ETAA1: variants seen among roughly 807,000 people sequenced by gnomAD.
ETAA1 encodes ETAA1 activator of ATR kinase.
In ETAA1, 49 loss-of-function variants were observed where a neutral mutation model predicts 76.8. The ratio of observed to expected loss-of-function variants is 0.64; its 90% confidence interval spans 0.51 to 0.81. ETAA1 has a LOEUF of 0.81. ETAA1 is among the 30% of genes least tolerant of loss of function. ETAA1 has a pLI of 0.00. For synonymous variants in ETAA1, 373 were observed against 372.2 expected (o/e 1.00, Z -0.03); for missense variants, 1,099 against 1,074.0 (o/e 1.02, Z -0.32).
chr2:67,398,692 A>T (rs1675968909), intron 1 of ETAA1, among the ~76,000 whole-genome samples: 1 of 152,182 alleles, frequency 6.6e-6, no homozygotes. Context: ...ATCTTTATAA[A>T]AATTTGAAAG....
Position 67,404,100 on chromosome 2 carries a change from T to C in ETAA1, c.1418T>C (p.Leu473Ser). The change falls in exon 5 of 6, where the codon TTA (leucine) becomes TCA (serine). Residue 473 changes from leucine to serine, a missense_variant. Leu to Ser is a moderately radical substitution (Grantham distance 145). This residue lies in a region of ETAA1 where 761 missense variants were observed against 731.9 expected (regional missense o/e 1.04). Transcript: ENST00000272342. ...FSPNSNKSNK[L>S]STGNKMKFEN... ...CCAAATTCAAATAAATCAAACAAAT[T>C]ATCCACTGGAAATAAAATGAAATTT... 1 of 1,591,294 alleles carries C rather than the reference T, an allele frequency of 6.3e-7. No homozygotes were observed. Among genetic ancestry groups the C allele is most frequent in the Non-Finnish European group, 8.5e-7 (1 of 1,172,224 alleles).
rs1676356512 is a variant in ETAA1 at position 67,410,960 on chromosome 2, A to G, written c.*922A>G. The stretch of plus-strand genomic sequence containing the variant: ...GCACAATAAGGACTGTTTGATAATA[A>G]TGCTCATTGTTCCTTATTTTGCTTT... On this transcript the variant is annotated 3_prime_UTR_variant, in exon 6 of 6. Transcript: ENST00000272342. The G allele has an allele frequency of 6.6e-6, 1 of 152,136 alleles. No homozygotes were observed. Among genetic ancestry groups the G allele is most frequent in the African/African-American group, 2.4e-5 (1 of 41,448 alleles). The allele number at this position is 152,136 out of a possible 1,614,324, so 9.4% of individuals were successfully genotyped here. A position where few individuals can be genotyped will look rare whatever the true frequency, so the allele number is the denominator to read the frequency against.
chr2:67,407,907 T>A (rs1405625367), intron 5 of ETAA1, among the ~76,000 whole-genome samples: 1 of 151,976 alleles, frequency 6.6e-6, no homozygotes, highest in Non-Finnish European at 1.5e-5. Context: ...TACAAATGAG[T>A]GGACTTGCCA....
chr2:67,399,429 G>A, intron 2 of ETAA1, 121 bp from the exon 3 acceptor site: 1 of 1,128,650 alleles, frequency 8.9e-7, no homozygotes, highest in Non-Finnish European at 1.3e-6. Flanking sequence ...ATAAGTATGT[G>A]ATGTAAACAC....
At chr2:67,399,850 A>G (rs1676003866) in intron 3 of ETAA1, among the ~76,000 whole-genome samples, 2 of 152,180 alleles carry the variant, frequency 1.3e-5, no homozygotes, top group Non-Finnish European at 1.5e-5. Context: ...ATCTTGTTTT[A>G]ATTTTTTAGA....
chr2:67,405,078 C>T lies in ETAA1; in HGVS notation c.2396C>T (p.Pro799Leu), dbSNP rs2103753620. ...AAGAAGAAATTGAGTACTAATCAGC[C>T]ATGCCATAAGACTGTAACAGATGAA... ...TYKKKLSTNQ[P>L]CHKTVTDEAQ... is the part of the protein sequence containing the mutation. The change falls in exon 5 of 6, where the codon CCA (proline) becomes CTA (leucine). Residue 799 changes from proline to leucine, a missense_variant. Pro to Leu is a moderately conservative substitution (Grantham distance 98, BLOSUM62 -3). Coordinates refer to ENST00000272342, the MANE Select transcript of ETAA1 (RefSeq NM_019002.4). 1 of 1,612,368 alleles carries T rather than the reference C, an allele frequency of 6.2e-7. No individual in the cohort carries two copies. The highest frequency in any genetic ancestry group is 1.1e-5 in the South Asian group (1 of 90,954).
At position 67,405,381 on chromosome 2, in the gene ETAA1, AAGT is replaced by A. The variant is rs1456711926; in HGVS notation, c.2653+51_2653+53del. ...AGTTTTCTTTGAAAAGCATCTTAAAAAGTAGTAAAATAATTATTTGTTGTTTTT... is the reference window on the plus strand; with the variant it reads ...AGTTTTCTTTGAAAAGCATCTTAAAAAGTAAAATAATTATTTGTTGTTTTT... On this transcript the variant is annotated intron_variant, in intron 5 of 5. Coordinates refer to ENST00000272342, the MANE Select transcript of ETAA1 (RefSeq NM_019002.4). 6 of 1,398,334 alleles carry A rather than the reference AAGT, an allele frequency of 4.3e-6. No homozygotes were observed. The African/African-American group carries it at 4.4e-5, about 10-fold the overall frequency. The allele number at this position is 1,398,334 out of a possible 1,614,324, so 86.6% of individuals were successfully genotyped here.
chr2:67,406,323 C>T (rs1014025814), intron 5 of ETAA1, among the ~76,000 whole-genome samples: 5 of 152,112 alleles, frequency 3.3e-5, no homozygotes, highest in African/African-American at 9.7e-5. Flanking sequence ...AACATGTGAC[C>T]CCTTCCCCAC....
At chr2:67,408,536 G>GA (rs75078879) in intron 5 of ETAA1, among the ~76,000 whole-genome samples, 59 of 146,960 alleles carry the variant, frequency 4.0e-4, no homozygotes, top group East Asian at 9.9e-4. Context: ...TTCTTTACAG[G>GA]AAAAAAAAAA....
chr2:67,408,721 A>G (rs1453571831), intron 5 of ETAA1, among the ~76,000 whole-genome samples: 1 of 152,168 alleles, frequency 6.6e-6, no homozygotes, highest in Admixed American at 6.6e-5. Context: ...CCTGATTATC[A>G]TTTGAAATTA....
At chr2:67,406,061 C>CA (rs1676210559) in intron 5 of ETAA1, among the ~76,000 whole-genome samples, 1 of 152,004 alleles carries the variant, frequency 6.6e-6, no homozygotes, top group Non-Finnish European at 1.5e-5. Flanking sequence ...ATTGGATGGG[C>CA]AAAAATGGCG....
Position 67,404,000 on chromosome 2 carries a change from G to A in ETAA1, c.1318G>A (p.Asp440Asn), listed in dbSNP as rs747864211. 23 of 1,608,152 alleles carry A rather than the reference G, an allele frequency of 1.4e-5. No homozygotes were observed. Among genetic ancestry groups the A allele is most frequent in the Non-Finnish European group, 1.8e-5 (21 of 1,177,998 alleles). ...TACAAGTCCAGATGCCAGGTTAGGA[G>A]ATTCAAAAGTATTACAAGATCTTTC... ...ANTSPDARLGDSKVLQDLSSK... is the reference protein window; with the variant it reads ...ANTSPDARLGNSKVLQDLSSK... Residue 440 changes from aspartate to asparagine, a missense_variant, in exon 5 of 6, where the codon GAT becomes AAT. By Grantham distance (23) the Asp-to-Asn change is conservative. This residue lies in a region of ETAA1 where 761 missense variants were observed against 731.9 expected (regional missense o/e 1.04). Coordinates refer to ENST00000272342, the MANE Select transcript of ETAA1 (RefSeq NM_019002.4).
chr2:67,406,640 C>T (rs1045519949), intron 5 of ETAA1, among the ~76,000 whole-genome samples: 1 of 151,954 alleles, frequency 6.6e-6, no homozygotes, highest in African/African-American at 2.4e-5. Flanking sequence ...TTTCTGATAA[C>T]CATCCCTTAC....
At position 67,405,435 on chromosome 2, in the gene ETAA1, ACTATT is replaced by A. The variant is rs561018953; in HGVS notation, c.2653+105_2653+109del. On this transcript the variant is annotated intron_variant, in intron 5 of 5. Coordinates refer to ENST00000272342, the MANE Select transcript of ETAA1 (RefSeq NM_019002.4). ...GAGTGTGAGTAATGTATAAGGTAAA[ACTATT>A]CTATGACTAGTTAATTTTAAGAATT... 6.1e-5 allele frequency: 53 copies of A among 865,308 alleles called. No homozygotes were observed. In the South Asian group the frequency reaches 7.9e-4, roughly 13 times the overall value. 53.6% of individuals were successfully genotyped at this position (865,308 alleles called of 1,614,324 possible).
intron 2 of ETAA1, 125 bp from the exon 3 acceptor site, chr2:67,399,425 A>G (rs1018939297): frequency 2.8e-5 from 32 of 1,133,602 alleles, no homozygotes; most frequent in Non-Finnish European, 3.5e-5. Context: ...CTGTATAAGT[A>G]TGTGATGTAA....
intron 1 of ETAA1, among the ~76,000 whole-genome samples, chr2:67,398,511 A>G (rs900447705): frequency 6.6e-6 from 1 of 151,256 alleles, no homozygotes; most frequent in Non-Finnish European, 1.5e-5. Flanking sequence ...AATTTTTTGT[A>G]TTTTTGGTAG....
intron 5 of ETAA1, among the ~76,000 whole-genome samples, chr2:67,407,361 C>T (rs1457672439): frequency 1.3e-5 from 2 of 151,770 alleles, no homozygotes; most frequent in African/African-American, 4.8e-5. Context: ...TTGCGGGCTG[C>T]GGGTTGGACA....
At position 67,403,633 on chromosome 2, in the gene ETAA1, T is replaced by C; in HGVS notation, c.951T>C (p.Asn317=). 1 of 1,613,350 alleles carries C rather than the reference T, an allele frequency of 6.2e-7. No individual in the cohort carries two copies. Among genetic ancestry groups the C allele is most frequent in the Non-Finnish European group, 8.5e-7 (1 of 1,179,448 alleles). ...GTAATACTACCTTTGTAAAGACAAATGCTTTGAAAGAGGAGAAAATCATTA... is the reference window on the plus strand; with the variant it reads ...GTAATACTACCTTTGTAAAGACAAACGCTTTGAAAGAGGAGAAAATCATTA... ...STSNTTFVKT[N]ALKEEKIITN... The change falls in exon 5 of 6, where the codon AAT becomes AAC. Residue 317 remains asparagine, a synonymous_variant. Coordinates refer to ENST00000272342, the MANE Select transcript of ETAA1 (RefSeq NM_019002.4).
At position 67,397,496 on chromosome 2, in the gene ETAA1, G is replaced by T. The variant is rs150473742; in HGVS notation, c.48G>T (p.Thr16=). The change falls in exon 1 of 6, where the codon ACG becomes ACT. Residue 16 remains threonine, a synonymous_variant. Transcript: ENST00000272342. ...ATGACAGCCCTAGCCCGAAGAAAACGCCGCACAAAACAGTGGCGGCGGAGG... is the reference window on the plus strand; with the variant it reads ...ATGACAGCCCTAGCCCGAAGAAAACTCCGCACAAAACAGTGGCGGCGGAGG... ...KHDDSPSPKK[T]PHKTVAAEEC... The T allele has an allele frequency of 5.0e-4, 808 of 1,603,148 alleles. 2 individuals are homozygous for T. The African/African-American group carries it at 9.0e-3, about 18-fold the overall frequency.
Sources: allele counts gnomAD v4.1 joint callset (sites outside exome capture counted in the v4.1 genomes callset), GRCh38; gene constraint gnomAD v4.1.1; regional missense constraint gnomAD v4.1.1; transcripts MANE v1.5; gene names NCBI Gene and HGNC (gene_info 2026-07-23, HGNC 2026-07-21).